The following ZCCHC7 variants were observed in gnomAD, a reference collection of about 807,000 sequenced individuals.
ZCCHC7 encodes zinc finger CCHC domain-containing protein 7.
In ZCCHC7, 35 loss-of-function variants were observed where a neutral mutation model predicts 52.0. That is an observed-to-expected ratio of 0.67 (90% CI 0.51 to 0.89). The LOEUF (loss-of-function observed/expected upper bound fraction) is 0.89, where lower values mean the gene tolerates loss of function less well. Ranked by LOEUF, ZCCHC7 falls within the 40% of genes least tolerant of loss-of-function variation. The probability of loss-of-function intolerance (pLI) is 0.00; values close to 1 mark genes in which losing one functional copy is unlikely to be tolerated. For synonymous variants in ZCCHC7, 217 were observed against 221.5 expected (o/e 0.98, Z 0.18); for missense variants, 574 against 649.1 (o/e 0.88, Z 1.26).
chr9:37,230,422 A>C (rs777449290), intron 2 of ZCCHC7, among the ~76,000 whole-genome samples: 2 of 152,174 alleles, frequency 1.3e-5, no homozygotes, highest in African/African-American at 2.4e-5. Flanking sequence ...TTTGTTATTG[A>C]CATGGTGTGT....
chr9:37,229,287 C>T (rs775469428), intron 2 of ZCCHC7, among the ~76,000 whole-genome samples: 3 of 151,924 alleles, frequency 2.0e-5, no homozygotes, highest in Non-Finnish European at 4.4e-5. Flanking sequence ...TAAACATCAA[C>T]ATTTTTCTAT....
chr9:37,156,271 T>C (rs1453636335), intron 2 of ZCCHC7, among the ~76,000 whole-genome samples: 1 of 152,228 alleles, frequency 6.6e-6, no homozygotes, highest in Admixed American at 6.5e-5. Context: ...TTTTCATGAA[T>C]TTTCTCCAGA....
At chr9:37,267,488 C>T (rs1334060597) in intron 2 of ZCCHC7, among the ~76,000 whole-genome samples, 1 of 151,992 alleles carries the variant, frequency 6.6e-6, no homozygotes, top group East Asian at 1.9e-4. Context: ...CAGCCTCGAC[C>T]TCGACCTCCC....
intron 1 of ZCCHC7, among the ~76,000 whole-genome samples, chr9:37,122,602 G>C (rs1842361437): frequency 6.6e-6 from 1 of 152,186 alleles, no homozygotes; most frequent in East Asian, 1.9e-4. Flanking sequence ...AATGAAGGAA[G>C]GTTTTTCTTC....
chr9:37,304,953 T>C (rs1280994406), intron 4 of ZCCHC7, among the ~76,000 whole-genome samples: 2 of 152,222 alleles, frequency 1.3e-5, no homozygotes, highest in Non-Finnish European at 2.9e-5. Context: ...CTTATTTCAA[T>C]GTGAGATAAT....
At chr9:37,316,719 T>C (rs1829839562) in intron 5 of ZCCHC7, among the ~76,000 whole-genome samples, 1 of 152,038 alleles carries the variant, frequency 6.6e-6, no homozygotes, top group South Asian at 2.1e-4. Flanking sequence ...TCTTCACAGG[T>C]CTCTGTAATT....
At chr9:37,277,935 CAAGAA>C (rs1182834778) in intron 2 of ZCCHC7, among the ~76,000 whole-genome samples, 2 of 151,224 alleles carry the variant, frequency 1.3e-5, no homozygotes, top group African/African-American at 4.9e-5. Context: ...GATGTATACT[CAAGAA>C]AAGGCAACCA....
chr9:37,242,031 A>G (rs1305840978), intron 2 of ZCCHC7, among the ~76,000 whole-genome samples: 1 of 151,650 alleles, frequency 6.6e-6, no homozygotes, highest in East Asian at 1.9e-4. Flanking sequence ...CAGATTTTCC[A>G]TTAGTATTTT....
intron 2 of ZCCHC7, among the ~76,000 whole-genome samples, chr9:37,199,788 C>G (rs1823526566): frequency 1.3e-5 from 2 of 152,216 alleles, no homozygotes; most frequent in Admixed American, 1.3e-4. Context: ...TCACTGCAAG[C>G]TCCACCTCCT....
At chr9:37,208,294 C>T (rs886666603) in intron 2 of ZCCHC7, among the ~76,000 whole-genome samples, 1 of 152,092 alleles carries the variant, frequency 6.6e-6, no homozygotes, top group Non-Finnish European at 1.5e-5. Flanking sequence ...CATTGTTGCC[C>T]AGGCTGGTCT....
intron 5 of ZCCHC7, among the ~76,000 whole-genome samples, chr9:37,321,931 C>T (rs186229917): frequency 8.5e-5 from 13 of 152,236 alleles, no homozygotes; most frequent in Admixed American, 3.3e-4. Context: ...AGGATGTCAG[C>T]GCTCAGATTT....
intron 1 of ZCCHC7, among the ~76,000 whole-genome samples, chr9:37,124,829 A>G (rs1468388278): frequency 2.0e-5 from 3 of 152,226 alleles, no homozygotes; most frequent in African/African-American, 7.2e-5. Flanking sequence ...CATTATAAAT[A>G]TACATTGTAA....
rs1344776766 is a variant in ZCCHC7 at position 37,269,134 on chromosome 9, G to T, written c.611-33054G>T. ...GCTGTCCTGAAGGTAGGCCATTGTG[G>T]CTTGAAAGAGTGTGAGAGAGAGCAT... On this transcript the variant is annotated intron_variant, in intron 2 of 8. Transcript: ENST00000336755. 2.0e-5 allele frequency among the ~76,000 whole-genome samples: 3 copies of T among 152,342 alleles called. No homozygotes were observed. In the East Asian group the frequency reaches 5.8e-4, roughly 29 times the overall value.
intron 2 of ZCCHC7, among the ~76,000 whole-genome samples, chr9:37,134,677 A>G (rs1842926382): frequency 6.6e-6 from 1 of 152,018 alleles, no homozygotes; most frequent in South Asian, 2.1e-4. Flanking sequence ...TTACATGTGT[A>G]TATCTTTGTA....
chr9:37,349,262 C>T, intron 6 of ZCCHC7, 95 bp from the exon 7 acceptor site: 2 of 1,255,942 alleles, frequency 1.6e-6, no homozygotes, highest in Non-Finnish European at 2.3e-6. Flanking sequence ...TAAGAAACTT[C>T]TAAGGAATCC....
intron 2 of ZCCHC7, among the ~76,000 whole-genome samples, chr9:37,265,859 T>C (rs1827081921): frequency 6.6e-6 from 1 of 152,186 alleles, no homozygotes; most frequent in South Asian, 2.1e-4. Flanking sequence ...CTGTATGCCA[T>C]AGCACTCCTT....
Position 37,164,498 on chromosome 9 carries a change from T to TAGACAGAC in ZCCHC7, c.610+37558_610+37565dup, listed in dbSNP as rs1554705358. On this transcript the variant is annotated intron_variant, in intron 2 of 8. Transcript: ENST00000336755. ...ATAGATAGATAGATAGATAGATAGATAGACAGACAAGATAGATAGACTCTG... is the reference window on the plus strand; with the variant it reads ...ATAGATAGATAGATAGATAGATAGATAGACAGACAGACAGACAAGATAGATAGACTCTG... 1.9e-4 allele frequency among the ~76,000 whole-genome samples: 25 copies of TAGACAGAC among 135,008 alleles called. No individual in the cohort carries two copies. In the South Asian group the frequency reaches 2.4e-3, roughly 13 times the overall value. The allele number at this position is 135,008 out of a possible 152,430, so 88.6% of individuals were successfully genotyped here. A position where few individuals can be genotyped will look rare whatever the true frequency, so the allele number is the denominator to read the frequency against.
chr9:37,306,319 T>G (rs547666277), intron 5 of ZCCHC7, among the ~76,000 whole-genome samples: 2 of 152,268 alleles, frequency 1.3e-5, no homozygotes, highest in South Asian at 4.1e-4. Flanking sequence ...TCTGCCCGCC[T>G]CAGCCTCCTA....
At chr9:37,306,465 TTTTA>T (rs1034152901) in intron 5 of ZCCHC7, among the ~76,000 whole-genome samples, 30 of 150,690 alleles carry the variant, frequency 2.0e-4, no homozygotes, top group African/African-American at 7.3e-4. Context: ...TTTATTTTTA[TTTTA>T]TTTATTTATT....
Sources: gnomAD v4.1 joint callset for allele counts (sites outside exome capture counted in the v4.1 genomes callset) on GRCh38, gnomAD v4.1.1 for gene constraint, MANE v1.5 for transcripts, NCBI Gene and HGNC (gene_info 2026-07-23, HGNC 2026-07-21) for gene names.